The following ATP8A2 variants were observed in gnomAD, a reference collection of about 807,000 sequenced individuals.
ATP8A2 encodes the protein phospholipid-transporting ATPase IB.
A neutral mutation model predicts 165.6 loss-of-function variants in ATP8A2; 100 were observed. The observed-to-expected ratio is 0.60, with a 90% CI of 0.51 to 0.71. ATP8A2 has a LOEUF of 0.71. ATP8A2 is among the 30% of genes least tolerant of loss of function. The pLI, the probability that ATP8A2 is intolerant of heterozygous loss-of-function variation, is 0.00. For synonymous variants in ATP8A2, 543 were observed against 548.8 expected (o/e 0.99, Z 0.15); for missense variants, 1,227 against 1,479.5 (o/e 0.83, Z 2.80).
At chr13:25,789,363 C>T (rs1481089159) in intron 27 of ATP8A2, among the ~76,000 whole-genome samples, 1 of 152,046 alleles carries the variant, frequency 6.6e-6, no homozygotes. Context: ...AACCAGAAAA[C>T]CCCACTACTG....
chr13:25,759,051 A>G lies in ATP8A2; in HGVS notation c.2385-9995A>G, dbSNP rs190649325. Among the ~76,000 whole-genome samples, 173 of 152,234 alleles carry G rather than the reference A, an allele frequency of 1.1e-3. 1 individual carries two copies. Among genetic ancestry groups the G allele is most frequent in the African/African-American group, 3.9e-3 (164 of 41,564 alleles). ...AGAAAGGGAAAGAAAGAGAAAGAGGAAGAGAGAAGTATTAATCTGCAAACT... is the reference window on the plus strand; with the variant it reads ...AGAAAGGGAAAGAAAGAGAAAGAGGGAGAGAGAAGTATTAATCTGCAAACT... On this transcript the variant is annotated intron_variant, in intron 25 of 36. Transcript: ENST00000381655.
intron 1 of ATP8A2, among the ~76,000 whole-genome samples, chr13:25,406,745 TGAG>T (rs1227611009): frequency 6.6e-6 from 1 of 152,212 alleles, no homozygotes; most frequent in Non-Finnish European, 1.5e-5. Flanking sequence ...GGCCAGCTCT[TGAG>T]TAGGGATTGC....
intron 25 of ATP8A2, among the ~76,000 whole-genome samples, chr13:25,753,497 T>A (rs765887789): frequency 6.6e-6 from 1 of 152,198 alleles, no homozygotes; most frequent in Non-Finnish European, 1.5e-5. Context: ...GTGCGGTAGG[T>A]CAGTCCACAA....
At chr13:25,385,374 C>T (rs997553556) in intron 1 of ATP8A2, among the ~76,000 whole-genome samples, 13 of 152,160 alleles carry the variant, frequency 8.5e-5, no homozygotes, top group East Asian at 1.9e-4. Context: ...TTACCTAATT[C>T]GCTCAGCCTC....
At chr13:25,844,889 T>C (rs1243104440) in intron 30 of ATP8A2, among the ~76,000 whole-genome samples, 1 of 152,200 alleles carries the variant, frequency 6.6e-6, no homozygotes, top group Non-Finnish European at 1.5e-5. Context: ...ATCAACAGTG[T>C]TCACTTTGGG....
At chr13:25,492,733 C>T (rs1371001687) in intron 2 of ATP8A2, among the ~76,000 whole-genome samples, 1 of 152,198 alleles carries the variant, frequency 6.6e-6, no homozygotes, top group Non-Finnish European at 1.5e-5. Context: ...GTTGAATGGA[C>T]CCTAAGCTGT....
At chr13:25,778,607 T>C (rs2044795863) in intron 27 of ATP8A2, among the ~76,000 whole-genome samples, 1 of 152,212 alleles carries the variant, frequency 6.6e-6, no homozygotes, top group Non-Finnish European at 1.5e-5. Context: ...ATACGTCTGA[T>C]CAATTCCAGT....
intron 2 of ATP8A2, among the ~76,000 whole-genome samples, chr13:25,506,325 A>C (rs981783732): frequency 1.3e-5 from 2 of 152,162 alleles, no homozygotes; most frequent in Non-Finnish European, 2.9e-5. Flanking sequence ...GACACAAACC[A>C]TTAATATTTC....
intron 24 of ATP8A2, among the ~76,000 whole-genome samples, chr13:25,645,160 G>A (rs1593126399): frequency 6.6e-6 from 1 of 152,130 alleles, no homozygotes; most frequent in African/African-American, 2.4e-5. Context: ...GGCTGGGGAG[G>A]CCTCAGAATC....
chr13:25,455,554 C>T (rs900757246), intron 1 of ATP8A2, among the ~76,000 whole-genome samples: 3 of 152,272 alleles, frequency 2.0e-5, no homozygotes, highest in Middle Eastern at 3.4e-3. Flanking sequence ...CATTTCATTT[C>T]GTAGCTCATT....
intron 25 of ATP8A2, among the ~76,000 whole-genome samples, chr13:25,734,363 T>C (rs1293864200): frequency 6.6e-6 from 1 of 152,212 alleles, no homozygotes; most frequent in Non-Finnish European, 1.5e-5. Context: ...CATCCTTACT[T>C]TTCCCATCTT....
chr13:25,927,718 C>T (rs1168473662), intron 33 of ATP8A2, among the ~76,000 whole-genome samples: 1 of 152,200 alleles, frequency 6.6e-6, no homozygotes, highest in Non-Finnish European at 1.5e-5. Context: ...AGAATTGGCA[C>T]ATTGAATTTT....
chr13:25,619,156 G>T (rs2040905500), intron 24 of ATP8A2, among the ~76,000 whole-genome samples: 2 of 152,190 alleles, frequency 1.3e-5, no homozygotes, highest in African/African-American at 4.8e-5. Context: ...CTTTTGTGGA[G>T]GCTTTTCAGG....
chr13:25,839,686 G>A, intron 30 of ATP8A2, 62 bp downstream of exon 30: 1 of 1,411,056 alleles, frequency 7.1e-7, no homozygotes. Flanking sequence ...CTGCCTGTGT[G>A]TTCACAATTT....
intron 33 of ATP8A2, among the ~76,000 whole-genome samples, chr13:25,928,903 C>T (rs531280400): frequency 9.8e-5 from 15 of 152,318 alleles, no homozygotes; most frequent in East Asian, 3.9e-4. Flanking sequence ...CAGGATGCCA[C>T]GGGTGAACAG....
intron 25 of ATP8A2, among the ~76,000 whole-genome samples, chr13:25,702,315 T>C (rs1360581544): frequency 6.6e-6 from 1 of 152,220 alleles, no homozygotes; most frequent in Non-Finnish European, 1.5e-5. Flanking sequence ...AAAACAGTAC[T>C]TTAGGCAGCA....
chr13:25,391,374 T>G (rs1470913797), intron 1 of ATP8A2, among the ~76,000 whole-genome samples: 2 of 152,192 alleles, frequency 1.3e-5, no homozygotes, highest in African/African-American at 4.8e-5. Context: ...ATCCACCCAT[T>G]CTTTCATCAT....
intron 27 of ATP8A2, among the ~76,000 whole-genome samples, chr13:25,803,461 T>C (rs1282826239): frequency 1.3e-5 from 2 of 152,212 alleles, no homozygotes; most frequent in South Asian, 2.1e-4. Context: ...TCCCATGATA[T>C]GTAAAAATAT....
chr13:25,975,740 T>A (rs1038359794), intron 35 of ATP8A2, among the ~76,000 whole-genome samples: 1 of 152,144 alleles, frequency 6.6e-6, no homozygotes, highest in Non-Finnish European at 1.5e-5. Flanking sequence ...CTGCTCAGAG[T>A]CTTTCTTTCC....
Sources: gnomAD v4.1 joint callset for allele counts (sites outside exome capture counted in the v4.1 genomes callset) on GRCh38, gnomAD v4.1.1 for gene constraint, MANE v1.5 for transcripts, NCBI Gene and HGNC (gene_info 2026-07-23, HGNC 2026-07-21) for gene names.